Variants in PARVA observed in about 807,000 individuals in gnomAD.
PARVA encodes parvin alpha, also known as alpha-parvin.
Under a neutral mutation model 52.6 loss-of-function variants are expected in PARVA, and 25 were observed. The ratio of observed to expected loss-of-function variants is 0.48; its 90% confidence interval spans 0.35 to 0.66. The LOEUF is 0.66. PARVA is among the 30% of genes least tolerant of loss of function. The pLI is 0.01. For missense variants in PARVA, 373 were observed against 450.9 expected (o/e 0.83, Z 1.56); for synonymous variants, 185 against 179.1 (o/e 1.03, Z -0.26).
chr11:12,509,916 C>T (rs1328743850), intron 7 of PARVA, among the ~76,000 whole-genome samples: 1 of 152,182 alleles, frequency 6.6e-6, no homozygotes, highest in African/African-American at 2.4e-5. Context: ...CACTATTTCA[C>T]CTCTGGGAAA....
chr11:12,391,181 T>G (rs144260859), intron 1 of PARVA, among the ~76,000 whole-genome samples: 88 of 152,334 alleles, frequency 5.8e-4, no homozygotes, highest in African/African-American at 2.1e-3. Context: ...GCACCCAGAT[T>G]TCACACCTTG....
intron 1 of PARVA, among the ~76,000 whole-genome samples, chr11:12,418,839 T>C (rs1332743646): frequency 6.6e-6 from 1 of 152,188 alleles, no homozygotes; most frequent in Non-Finnish European, 1.5e-5. Flanking sequence ...GTAACAATAA[T>C]AACCATTATT....
chr11:12,392,335 G>A (rs78579551), intron 1 of PARVA, among the ~76,000 whole-genome samples: 33,030 of 148,740 alleles, frequency 0.22, 4,432 homozygotes, highest in African/African-American at 0.38. Flanking sequence ...GTGGCGCGAT[G>A]TCAGCTCACT....
chr11:12,474,044 A>T, intron 3 of PARVA, 61 bp downstream of exon 3: 1 of 1,335,422 alleles, frequency 7.5e-7, no homozygotes, highest in South Asian at 1.3e-5. Context: ...TCCATATGCC[A>T]CCTGCTCTGT....
At chr11:12,511,952 GC>G (rs1172125188) in intron 8 of PARVA, among the ~76,000 whole-genome samples, 3 of 152,152 alleles carry the variant, frequency 2.0e-5, no homozygotes, top group African/African-American at 7.2e-5. Flanking sequence ...TGATAGGTGT[GC>G]AGATGGATAA....
intron 1 of PARVA, among the ~76,000 whole-genome samples, chr11:12,386,481 C>T (rs904529504): frequency 6.6e-6 from 1 of 152,198 alleles, no homozygotes; most frequent in African/African-American, 2.4e-5. Flanking sequence ...GATGCTTCCT[C>T]CTCTGTGATC....
intron 1 of PARVA, among the ~76,000 whole-genome samples, chr11:12,430,149 A>G (rs1940296951): frequency 6.6e-6 from 1 of 152,134 alleles, no homozygotes; most frequent in Non-Finnish European, 1.5e-5. Flanking sequence ...CACTAGGGCC[A>G]ATTTTGTGGT....
intron 1 of PARVA, among the ~76,000 whole-genome samples, chr11:12,441,370 T>C (rs1160870628): frequency 6.6e-6 from 1 of 152,022 alleles, no homozygotes; most frequent in African/African-American, 2.4e-5. Context: ...TTGCTTTTCC[T>C]TGCAGATCAC....
chr11:12,525,678 G>A (rs565849980), intron 12 of PARVA, among the ~76,000 whole-genome samples: 8 of 152,152 alleles, frequency 5.3e-5, no homozygotes, highest in African/African-American at 1.7e-4. Flanking sequence ...CTCAGCATTA[G>A]CAAGGCAAGG....
chr11:12,391,202 G>A (rs1246852224), intron 1 of PARVA, among the ~76,000 whole-genome samples: 1 of 152,216 alleles, frequency 6.6e-6, no homozygotes, highest in Non-Finnish European at 1.5e-5. Flanking sequence ...TAATGGCCCT[G>A]CCAGGGTGGA....
intron 1 of PARVA, among the ~76,000 whole-genome samples, chr11:12,458,839 C>T (rs748735602): frequency 5.3e-5 from 8 of 152,286 alleles, no homozygotes; most frequent in East Asian, 1.9e-4. Flanking sequence ...GTGGGAAAGT[C>T]GCCTTGAGAC....
chr11:12,496,424 T>C (rs772399687), intron 4 of PARVA, 34 bp from the exon 5 acceptor site: 21 of 1,593,492 alleles, frequency 1.3e-5, no homozygotes, highest in Non-Finnish European at 1.8e-5. Context: ...GGGCCCAGCA[T>C]AACAGCTGTT....
chr11:12,517,767 G>A lies in PARVA; in HGVS notation c.969+56G>A. 3 of 1,217,674 alleles carry A rather than the reference G, an allele frequency of 2.5e-6. No homozygotes were observed. The South Asian group carries it at 3.9e-5, about 16-fold the overall frequency. 75.4% of individuals were successfully genotyped at this position (1,217,674 alleles called of 1,614,324 possible). ...CTAGCCCACATCCCCTGACTCATGTGCCCACACCCATGCTGGGGCTATCCA... is the reference window on the plus strand; with the variant it reads ...CTAGCCCACATCCCCTGACTCATGTACCCACACCCATGCTGGGGCTATCCA... On this transcript the variant is annotated intron_variant, in intron 11 of 12. Coordinates refer to ENST00000334956, the MANE Select transcript of PARVA (RefSeq NM_018222.5).
chr11:12,383,625 T>G (rs576717153), intron 1 of PARVA, among the ~76,000 whole-genome samples: 2 of 152,208 alleles, frequency 1.3e-5, no homozygotes, highest in Non-Finnish European at 2.9e-5. Context: ...GAGCTACCCT[T>G]TTCTTCTAAT....
intron 1 of PARVA, among the ~76,000 whole-genome samples, chr11:12,416,113 C>A (rs892602631): frequency 6.6e-6 from 1 of 152,106 alleles, no homozygotes; most frequent in African/African-American, 2.4e-5. Flanking sequence ...GAATTTTCCC[C>A]CTTGGTGAAA....
At chr11:12,480,984 G>A (rs907202040) in intron 4 of PARVA, among the ~76,000 whole-genome samples, 9 of 152,004 alleles carry the variant, frequency 5.9e-5, no homozygotes, top group Non-Finnish European at 1.2e-4. Context: ...GCTATTTTTC[G>A]TGTCACTGGT....
intron 5 of PARVA, among the ~76,000 whole-genome samples, chr11:12,503,840 G>A (rs1198524887): frequency 6.6e-6 from 1 of 152,172 alleles, no homozygotes; most frequent in Non-Finnish European, 1.5e-5. Flanking sequence ...GATATATTAG[G>A]CTGTTCATGC....
At chr11:12,477,653 C>G (rs988326064) in intron 3 of PARVA, among the ~76,000 whole-genome samples, 194 bp from the exon 4 acceptor site, 14 of 152,122 alleles carry the variant, frequency 9.2e-5, no homozygotes, top group Non-Finnish European at 1.3e-4. Context: ...GAGGTTGAGG[C>G]AGGAAGATCA....
At chr11:12,393,104 A>C (rs964711218) in intron 1 of PARVA, among the ~76,000 whole-genome samples, 4 of 151,790 alleles carry the variant, frequency 2.6e-5, no homozygotes, top group African/African-American at 9.7e-5. Flanking sequence ...GCAAAGATTT[A>C]CACGTAAGTG....
Sources: gnomAD v4.1 joint callset for allele counts (sites outside exome capture counted in the v4.1 genomes callset) on GRCh38, gnomAD v4.1.1 for gene constraint, MANE v1.5 for transcripts, NCBI Gene and HGNC (gene_info 2026-07-23, HGNC 2026-07-21) for gene names.